ERBB4: variants seen among roughly 807,000 people sequenced by gnomAD.
ERBB4 encodes the protein erb-b2 receptor tyrosine kinase 4, also known as receptor tyrosine-protein kinase erbB-4.
Under a neutral mutation model 158.0 loss-of-function variants are expected in ERBB4, and 42 were observed. The observed-to-expected ratio is 0.27, with a 90% CI of 0.21 to 0.34. The LOEUF (loss-of-function observed/expected upper bound fraction) is 0.34. Among genes scored for constraint, ERBB4 ranks in the 10% least tolerant of loss-of-function variants. The pLI is 1.00. For synonymous variants in ERBB4, 583 were observed against 558.7 expected, an observed-to-expected ratio of 1.04 and a Z score of -0.61; for missense variants, 1,333 against 1,624.1, an observed-to-expected ratio of 0.82 and a Z score of 3.08.
At chr2:211,456,380 G>A (rs990829134) in intron 20 of ERBB4, among the ~76,000 whole-genome samples, 1 of 152,004 alleles carries the variant, frequency 6.6e-6, no homozygotes, top group Non-Finnish European at 1.5e-5. Context: ...CAAACTTTAG[G>A]CACTCAGATA....
intron 3 of ERBB4, among the ~76,000 whole-genome samples, chr2:211,864,128 G>A (rs748131003): frequency 1.8e-4 from 28 of 152,270 alleles, no homozygotes; most frequent in Non-Finnish European, 2.8e-4. Context: ...ATCTGTGCCT[G>A]CCCCTTCAGT....
chr2:212,010,092 G>A (rs1216268132), intron 2 of ERBB4, among the ~76,000 whole-genome samples: 1 of 152,040 alleles, frequency 6.6e-6, no homozygotes, highest in African/African-American at 2.4e-5. Context: ...TTCCAGCCTC[G>A]TTTTTTGACC....
chr2:212,321,755 T>C (rs1268077648), intron 1 of ERBB4, among the ~76,000 whole-genome samples: 1 of 150,292 alleles, frequency 6.7e-6, no homozygotes, highest in Non-Finnish European at 1.5e-5. Context: ...TAGCTAGACT[T>C]AAATTTGAGA....
intron 2 of ERBB4, among the ~76,000 whole-genome samples, chr2:212,119,346 A>T (rs930542438): frequency 6.6e-6 from 1 of 152,160 alleles, no homozygotes; most frequent in Admixed American, 6.5e-5. Flanking sequence ...ACAGAAAATA[A>T]ATTTAAAATG....
intron 1 of ERBB4, among the ~76,000 whole-genome samples, chr2:212,190,103 T>C (rs577411637): frequency 1.1e-4 from 16 of 152,224 alleles, no homozygotes; most frequent in Middle Eastern, 6.8e-3. Flanking sequence ...TTGATAGTTA[T>C]TACATTCTAA....
intron 2 of ERBB4, among the ~76,000 whole-genome samples, chr2:211,971,645 C>A (rs1575454527): frequency 1.3e-5 from 2 of 152,214 alleles, no homozygotes; most frequent in South Asian, 4.1e-4. Context: ...ATTCAAAAAT[C>A]CTCAATGAAA....
At chr2:211,482,866 T>C (rs1401680195) in intron 20 of ERBB4, among the ~76,000 whole-genome samples, 1 of 151,980 alleles carries the variant, frequency 6.6e-6, no homozygotes, top group Non-Finnish European at 1.5e-5. Context: ...GATCGCACTA[T>C]TGCACTCCAG....
intron 1 of ERBB4, among the ~76,000 whole-genome samples, chr2:212,202,003 C>T (rs1574422930): frequency 6.6e-6 from 1 of 152,110 alleles, no homozygotes; most frequent in Admixed American, 6.6e-5. Context: ...AAGGACTTTG[C>T]CTTATTCATT....
chr2:211,919,649 T>C (rs1029832451), intron 3 of ERBB4, among the ~76,000 whole-genome samples: 2 of 152,010 alleles, frequency 1.3e-5, no homozygotes, highest in African/African-American at 4.8e-5. Context: ...ATTAGCACAT[T>C]TTTATATTTG....
intron 2 of ERBB4, among the ~76,000 whole-genome samples, chr2:211,960,404 AT>A (rs1375377436): frequency 6.6e-6 from 1 of 152,134 alleles, no homozygotes; most frequent in Non-Finnish European, 1.5e-5. Context: ...AATGACATAA[AT>A]TTCTCATCTT....
chr2:211,542,680 T>A (rs1325579044), intron 20 of ERBB4, among the ~76,000 whole-genome samples: 3 of 151,972 alleles, frequency 2.0e-5, no homozygotes, highest in African/African-American at 7.2e-5. Context: ...GGGAATAAAA[T>A]TTCCACCTAG....
chr2:211,379,989 G>C lies in ERBB4; in HGVS notation c.*3626C>G. On this transcript the variant is annotated 3_prime_UTR_variant, in exon 28 of 28. Coordinates refer to ENST00000342788, the MANE Select transcript of ERBB4 (RefSeq NM_005235.3). ...CATTGTAAGTATGCACAATCTTCATGCCATGTCTTTCCTTTAGAAGGTATT... is the reference window on the plus strand; with the variant it reads ...CATTGTAAGTATGCACAATCTTCATCCCATGTCTTTCCTTTAGAAGGTATT... The C allele has an allele frequency of 4.3e-6, 1 of 231,732 alleles. No homozygotes were observed. The highest frequency in any genetic ancestry group is 8.5e-6 in the Non-Finnish European group (1 of 117,344). 14.4% of individuals were successfully genotyped at this position (231,732 alleles called of 1,614,324 possible). A position where few individuals can be genotyped will look rare whatever the true frequency, so the allele number is the denominator to read the frequency against.
At chr2:212,272,962 C>T (rs996606186) in intron 1 of ERBB4, among the ~76,000 whole-genome samples, 1 of 151,526 alleles carries the variant, frequency 6.6e-6, no homozygotes, top group Non-Finnish European at 1.5e-5. Flanking sequence ...AAAACCACTA[C>T]ATTTTACTTA....
chr2:211,789,590 A>G (rs1443993655), intron 3 of ERBB4, among the ~76,000 whole-genome samples: 2 of 152,144 alleles, frequency 1.3e-5, no homozygotes, highest in Non-Finnish European at 2.9e-5. Context: ...TCTCTACCGC[A>G]AGAGAGATTG....
chr2:212,046,492 T>C (rs144495556), intron 2 of ERBB4, among the ~76,000 whole-genome samples: 3 of 152,370 alleles, frequency 2.0e-5, no homozygotes, highest in African/African-American at 4.8e-5. Flanking sequence ...TAGGATGGTC[T>C]AGATCTGATA....
chr2:212,240,643 A>AAAAAAAAAAAAC (rs2084058127), intron 1 of ERBB4, among the ~76,000 whole-genome samples: 4 of 108,630 alleles, frequency 3.7e-5, no homozygotes, highest in African/African-American at 1.3e-4. Flanking sequence ...GGCTCAAAAA[A>AAAAAAAAAAAAC]AAAAAAAAAA....
intron 1 of ERBB4, among the ~76,000 whole-genome samples, chr2:212,323,498 A>G (rs1212820317): frequency 6.6e-6 from 1 of 150,410 alleles, no homozygotes; most frequent in Non-Finnish European, 1.5e-5. Context: ...AAGAAAAATC[A>G]TCAATATCAT....
chr2:211,952,500 T>C (rs912630415), intron 2 of ERBB4, among the ~76,000 whole-genome samples: 6 of 152,198 alleles, frequency 3.9e-5, no homozygotes, highest in Admixed American at 1.3e-4. Flanking sequence ...TCAGAAAGAA[T>C]CTCAGTAGCA....
intron 1 of ERBB4, among the ~76,000 whole-genome samples, chr2:212,399,099 C>A (rs954574801): frequency 6.6e-6 from 1 of 151,866 alleles, no homozygotes; most frequent in African/African-American, 2.4e-5. Context: ...CCCACCACCA[C>A]GCCTGACTAA....
Sources: allele counts gnomAD v4.1 joint callset (sites outside exome capture counted in the v4.1 genomes callset), GRCh38; gene constraint gnomAD v4.1.1; transcripts MANE v1.5; gene names NCBI Gene and HGNC (gene_info 2026-07-23, HGNC 2026-07-21).